The following PRDM5 variants were observed in gnomAD, a reference collection of about 807,000 sequenced individuals.
PRDM5 encodes the protein PR/SET domain 5.
A neutral mutation model predicts 81.2 loss-of-function variants in PRDM5; 56 were observed. That is an observed-to-expected ratio of 0.69 (90% confidence interval 0.56 to 0.86). The LOEUF is 0.86. Ranked by LOEUF, PRDM5 falls within the 40% of genes least tolerant of loss-of-function variation. The pLI, the probability that PRDM5 is intolerant of heterozygous loss-of-function variation, is 0.00. For missense variants in PRDM5, 697 were observed against 770.1 expected (o/e 0.91, Z 1.12); for synonymous variants, 267 against 256.4 (o/e 1.04, Z -0.39).
At chr4:120,760,270 A>AC (rs1745407903) in intron 13 of PRDM5, among the ~76,000 whole-genome samples, 2 of 152,158 alleles carry the variant, frequency 1.3e-5, no homozygotes, top group South Asian at 4.1e-4. Context: ...TTGGTTATCA[A>AC]CGCTCATCAA....
intron 3 of PRDM5, among the ~76,000 whole-genome samples, chr4:120,841,973 C>T (rs1010144345): frequency 5.3e-5 from 8 of 152,146 alleles, no homozygotes; most frequent in East Asian, 1.9e-4. Context: ...ACATTTGTTA[C>T]GTATGATTTG....
At chr4:120,820,101 A>G (rs343187) in intron 4 of PRDM5, among the ~76,000 whole-genome samples, 38,777 of 152,166 alleles carry the variant, frequency 0.25, 5,665 homozygotes, top group East Asian at 0.36. Context: ...CCCAAAATTC[A>G]TACGTTGAAA....
chr4:120,752,675 A>C (rs1744175902), intron 14 of PRDM5, among the ~76,000 whole-genome samples: 1 of 152,190 alleles, frequency 6.6e-6, no homozygotes. Context: ...TGGAATGAGA[A>C]AATATTCAAT....
chr4:120,858,456 A>G (rs1760139899), intron 2 of PRDM5, among the ~76,000 whole-genome samples: 1 of 152,238 alleles, frequency 6.6e-6, no homozygotes, highest in African/African-American at 2.4e-5. Context: ...GATCATAGCT[A>G]GGAAACTGTA....
At position 120,694,488 on chromosome 4, in the gene PRDM5, T is replaced by G. The variant is rs1734309613; in HGVS notation, c.*623A>C. ...AAATGAGCAATATTTTAATAGATGT[T>G]TTAGTTATCAAATATCTATTTTAAA... On this transcript the variant is annotated 3_prime_UTR_variant, in exon 16 of 16. Coordinates refer to ENST00000264808, the MANE Select transcript of PRDM5 (RefSeq NM_018699.4). The G allele has an allele frequency of 6.6e-6, 1 of 152,296 alleles. No individual in the cohort carries two copies. Among genetic ancestry groups the G allele is most frequent in the South Asian group, 2.1e-4 (1 of 4,844 alleles). 9.4% of individuals were successfully genotyped at this position (152,296 alleles called of 1,614,324 possible). A position where few individuals can be genotyped will look rare whatever the true frequency, so the allele number is the denominator to read the frequency against.
At chr4:120,816,391 CAG>C (rs2149336202) in intron 7 of PRDM5, 60 bp downstream of exon 7, 1 of 1,613,314 alleles carries the variant, frequency 6.2e-7, no homozygotes, top group South Asian at 1.1e-5. Flanking sequence ...GAATTAAAAA[CAG>C]ATCGCTGCAG....
At chr4:120,735,424 A>G (rs541406829) in intron 14 of PRDM5, among the ~76,000 whole-genome samples, 2 of 152,334 alleles carry the variant, frequency 1.3e-5, no homozygotes, top group East Asian at 3.9e-4. Flanking sequence ...TACCTCAGTT[A>G]AAACACTGAT....
intron 2 of PRDM5, among the ~76,000 whole-genome samples, chr4:120,897,534 C>T (rs72680477): frequency 0.043 from 6,617 of 152,266 alleles, 298 homozygotes; most frequent in Middle Eastern, 0.15. Context: ...TTAGCCATTA[C>T]CTCATCAAAA....
intron 1 of PRDM5, among the ~76,000 whole-genome samples, chr4:120,912,175 G>A (rs1332063436): frequency 1.3e-5 from 2 of 152,144 alleles, no homozygotes; most frequent in African/African-American, 4.8e-5. Context: ...CCATTTAGCA[G>A]TATCAGCTCA....
chr4:120,908,978 C>G lies in PRDM5; in HGVS notation c.94-1421G>C, dbSNP rs140931043. On this transcript the variant is annotated intron_variant, in intron 1 of 15. Transcript: ENST00000264808. ...CTTCTCTCCTCCAGATGGGACCTAACCAGGATTTGATGGCAGGTAGGAAAA... is the reference window on the plus strand; with the variant it reads ...CTTCTCTCCTCCAGATGGGACCTAAGCAGGATTTGATGGCAGGTAGGAAAA... Among the ~76,000 whole-genome samples, 245 of 152,232 alleles carry G rather than the reference C, an allele frequency of 1.6e-3. 2 individuals carry two copies. Among genetic ancestry groups the G allele is most frequent in the African/African-American group, 5.5e-3 (229 of 41,540 alleles).
At chr4:120,726,160 C>G (rs1393256502) in intron 14 of PRDM5, among the ~76,000 whole-genome samples, 1 of 152,136 alleles carries the variant, frequency 6.6e-6, no homozygotes, top group Non-Finnish European at 1.5e-5. Context: ...AAACAAAATG[C>G]TTTCTCCCTC....
intron 3 of PRDM5, among the ~76,000 whole-genome samples, chr4:120,842,573 T>C (rs1205959432): frequency 1.3e-5 from 2 of 152,220 alleles, no homozygotes; most frequent in Non-Finnish European, 2.9e-5. Flanking sequence ...GATGACAACA[T>C]AAATAAATAG....
At chr4:120,768,549 G>A (rs929960502) in intron 13 of PRDM5, among the ~76,000 whole-genome samples, 1 of 152,054 alleles carries the variant, frequency 6.6e-6, no homozygotes, top group Non-Finnish European at 1.5e-5. Context: ...CTGAAAATAG[G>A]TATTTATATA....
intron 14 of PRDM5, among the ~76,000 whole-genome samples, chr4:120,719,176 C>T (rs940761855): frequency 6.6e-5 from 10 of 152,154 alleles, no homozygotes; most frequent in African/African-American, 2.4e-4. Flanking sequence ...GTACACCCTT[C>T]CCCACTCCAT....
At chr4:120,887,787 T>A (rs1207481088) in intron 2 of PRDM5, among the ~76,000 whole-genome samples, 1 of 77,500 alleles carries the variant, frequency 1.3e-5, no homozygotes, top group Non-Finnish European at 2.4e-5. Flanking sequence ...CATTTTATCC[T>A]TTTTTTTTTT....
At chr4:120,798,140 G>C in intron 10 of PRDM5, 127 bp downstream of exon 10, 1 of 620,794 alleles carries the variant, frequency 1.6e-6, no homozygotes, top group African/African-American at 1.9e-5. Context: ...GCCCAGGTGA[G>C]TGATCTTCTC....
At chr4:120,701,025 T>G (rs1376259602) in intron 15 of PRDM5, among the ~76,000 whole-genome samples, 1 of 151,956 alleles carries the variant, frequency 6.6e-6, no homozygotes, top group Admixed American at 6.6e-5. Flanking sequence ...GTCGGGAGGC[T>G]GAGACAGGAG....
intron 2 of PRDM5, among the ~76,000 whole-genome samples, chr4:120,877,667 T>C (rs1762453479): frequency 6.6e-6 from 1 of 152,154 alleles, no homozygotes; most frequent in African/African-American, 2.4e-5. Flanking sequence ...TAGCTGGGCA[T>C]GGTGGCACAG....
chr4:120,795,632 G>T (rs1189661868), intron 10 of PRDM5, among the ~76,000 whole-genome samples: 1 of 151,812 alleles, frequency 6.6e-6, no homozygotes, highest in African/African-American at 2.4e-5. Flanking sequence ...CTATATGCTG[G>T]CCAGGCACCG....
Sources: allele counts gnomAD v4.1 joint callset (sites outside exome capture counted in the v4.1 genomes callset), GRCh38; gene constraint gnomAD v4.1.1; transcripts MANE v1.5; gene names NCBI Gene and HGNC (gene_info 2026-07-23, HGNC 2026-07-21).